AMPH: variants seen among roughly 807,000 people sequenced by gnomAD.
AMPH encodes amphiphysin, also known as amphiphysin (Stiff-Mann syndrome with breast cancer 128kD autoantigen).
Under a neutral mutation model 99.1 loss-of-function variants are expected in AMPH, and 49 were observed. That is an observed-to-expected ratio of 0.49 (90% confidence interval 0.39 to 0.63). The LOEUF (loss-of-function observed/expected upper bound fraction) is 0.63, where lower values mean the gene tolerates loss of function less well. Ranked by LOEUF, AMPH falls within the 20% of genes least tolerant of loss-of-function variation. AMPH has a pLI of 0.00. For synonymous variants in AMPH, 314 were observed against 317.3 expected (o/e 0.99, Z 0.11); for missense variants, 759 against 863.4 (o/e 0.88, Z 1.52).
intron 11 of AMPH, among the ~76,000 whole-genome samples, chr7:38,441,226 CA>C (rs1786493001): frequency 6.6e-6 from 1 of 151,848 alleles, no homozygotes; most frequent in Admixed American, 6.6e-5. Context: ...CAACATAAAG[CA>C]AAAACCAAGA....
intron 17 of AMPH, among the ~76,000 whole-genome samples, chr7:38,406,826 G>C (rs530433563): frequency 7.1e-6 from 1 of 139,878 alleles, no homozygotes; most frequent in East Asian, 2.2e-4. Flanking sequence ...AAGGTTTTGG[G>C]ACTTAACACC....
intron 1 of AMPH, among the ~76,000 whole-genome samples, chr7:38,537,530 T>C (rs1206258196): frequency 6.6e-6 from 1 of 152,174 alleles, no homozygotes; most frequent in Non-Finnish European, 1.5e-5. Flanking sequence ...TTTAACAAGA[T>C]GAAATTCAAC....
chr7:38,546,877 A>T (rs1272006882), intron 1 of AMPH, among the ~76,000 whole-genome samples: 1 of 152,136 alleles, frequency 6.6e-6, no homozygotes, highest in Non-Finnish European at 1.5e-5. Flanking sequence ...CTCCAGATCC[A>T]TTCTCCACCC....
intron 5 of AMPH, among the ~76,000 whole-genome samples, chr7:38,477,942 C>T (rs1788147109): frequency 1.3e-5 from 2 of 152,074 alleles, no homozygotes; most frequent in African/African-American, 4.8e-5. Context: ...GGCCCAAGAC[C>T]TGACTCCTAC....
intron 10 of AMPH, 92 bp from the exon 11 acceptor site, chr7:38,461,503 T>C: frequency 6.8e-7 from 1 of 1,473,512 alleles, no homozygotes; most frequent in Non-Finnish European, 9.4e-7. Context: ...ATGGACAGAT[T>C]GAGCTCTGAT....
At chr7:38,609,238 A>G in intron 1 of AMPH, among the ~76,000 whole-genome samples, 1 of 152,198 alleles carries the variant, frequency 6.6e-6, no homozygotes, top group East Asian at 1.9e-4. Flanking sequence ...TGCACGCAGC[A>G]CACAGGAGGG....
At chr7:38,532,293 G>C (rs1222757128) in intron 2 of AMPH, among the ~76,000 whole-genome samples, 3 of 151,866 alleles carry the variant, frequency 2.0e-5, no homozygotes, top group African/African-American at 7.3e-5. Flanking sequence ...AATTAAAAAA[G>C]ATCAAAATGA....
At chr7:38,439,790 C>T (rs1786430678) in intron 11 of AMPH, among the ~76,000 whole-genome samples, 1 of 152,104 alleles carries the variant, frequency 6.6e-6, no homozygotes, top group Admixed American at 6.5e-5. Context: ...ATCATCTGTA[C>T]TATGTTTCAT....
chr7:38,404,731 G>C (rs1363454555), intron 17 of AMPH, among the ~76,000 whole-genome samples: 1 of 152,166 alleles, frequency 6.6e-6, no homozygotes, highest in Non-Finnish European at 1.5e-5. Flanking sequence ...AATACAAAAA[G>C]ACAGAGTGTT....
rs141571347 is a variant in AMPH at position 38,568,241 on chromosome 7, G to A, written c.70-33230C>T. 3.3e-3 allele frequency among the ~76,000 whole-genome samples: 498 copies of A among 152,194 alleles called. 3 individuals are homozygous for A. The highest frequency in any genetic ancestry group is 0.011 in the African/African-American group (443 of 41,540). Reference sequence around the variant, plus strand: ...AATCCTTTAGGAGGCCGAGGCAGGCGGATCACGAGGTCAGGAGATCGAGAC... The same window carrying A: ...AATCCTTTAGGAGGCCGAGGCAGGCAGATCACGAGGTCAGGAGATCGAGAC... On this transcript the variant is annotated intron_variant, in intron 1 of 20. Coordinates refer to ENST00000356264, the MANE Select transcript of AMPH (RefSeq NM_001635.4).
chr7:38,534,481 T>C (rs956658012), intron 2 of AMPH, among the ~76,000 whole-genome samples: 1 of 152,108 alleles, frequency 6.6e-6, no homozygotes, highest in Admixed American at 6.6e-5. Context: ...AAGACTATCC[T>C]GGGCAACATG....
chr7:38,435,940 A>G lies in AMPH; in HGVS notation c.1134+332T>C, dbSNP rs192867357. On this transcript the variant is annotated intron_variant, in intron 12 of 20. Coordinates refer to ENST00000356264, the MANE Select transcript of AMPH (RefSeq NM_001635.4). ...GAAGAGTAAACCCAAAACCAAAAGA[A>G]AGAGCTTCATCCAGGGAAACCATAA... is the stretch of plus-strand genomic sequence containing the variant. 5.9e-5 allele frequency among the ~76,000 whole-genome samples: 9 copies of G among 152,276 alleles called. No homozygotes were observed. The East Asian group carries it at 1.4e-3, about 23-fold the overall frequency.
chr7:38,534,493 CA>C (rs1418265295), intron 2 of AMPH, among the ~76,000 whole-genome samples: 2 of 151,988 alleles, frequency 1.3e-5, no homozygotes, highest in Non-Finnish European at 2.9e-5. Context: ...GGCAACATGG[CA>C]AAACCCCATC....
At chr7:38,519,198 T>G (rs1484617009) in intron 2 of AMPH, among the ~76,000 whole-genome samples, 1 of 152,216 alleles carries the variant, frequency 6.6e-6, no homozygotes, top group Non-Finnish European at 1.5e-5. Flanking sequence ...GAAATGAATT[T>G]CCTTTCTTTA....
chr7:38,435,758 A>G (rs1786233867), intron 12 of AMPH, among the ~76,000 whole-genome samples: 1 of 152,204 alleles, frequency 6.6e-6, no homozygotes, highest in African/African-American at 2.4e-5. Flanking sequence ...CCATGATCAC[A>G]GGAGGGGAGC....
At chr7:38,588,015 G>C (rs1792725831) in intron 1 of AMPH, among the ~76,000 whole-genome samples, 1 of 151,804 alleles carries the variant, frequency 6.6e-6, no homozygotes, top group Admixed American at 6.6e-5. Flanking sequence ...GCAGTGGCGT[G>C]ATCTCGGTTC....
intron 11 of AMPH, among the ~76,000 whole-genome samples, chr7:38,450,819 TC>T (rs753085735): frequency 1.3e-5 from 2 of 151,840 alleles, no homozygotes; most frequent in African/African-American, 2.4e-5. Flanking sequence ...AGGGCCATAA[TC>T]CTAAAGGGAG....
intron 7 of AMPH, among the ~76,000 whole-genome samples, chr7:38,473,362 G>A (rs2129013405): frequency 6.6e-6 from 1 of 152,150 alleles, no homozygotes; most frequent in East Asian, 1.9e-4. Context: ...TCTTAAGTAA[G>A]GACAAAAACA....
intron 4 of AMPH, among the ~76,000 whole-genome samples, chr7:38,492,824 A>G (rs3823594): frequency 0.18 from 27,582 of 152,178 alleles, 2,739 homozygotes; most frequent in Middle Eastern, 0.28. Flanking sequence ...AGTTATTAAC[A>G]CAAGTTTCTA....
Sources: gnomAD v4.1 joint callset for allele counts (sites outside exome capture counted in the v4.1 genomes callset) on GRCh38, gnomAD v4.1.1 for gene constraint, MANE v1.5 for transcripts, NCBI Gene and HGNC (gene_info 2026-07-23, HGNC 2026-07-21) for gene names.